XRCC6: variants seen among roughly 807,000 people sequenced by gnomAD.
XRCC6 encodes the protein X-ray repair cross complementing 6.
XRCC6 carries 5 observed loss-of-function variants against 65.7 expected under a neutral mutation model. That is an observed-to-expected ratio of 0.08 (90% CI 0.04 to 0.16). XRCC6 has a LOEUF of 0.16. XRCC6 is among the 10% of genes least tolerant of loss of function. The probability of loss-of-function intolerance (pLI) is 1.00; values close to 1 mark genes in which losing one functional copy is unlikely to be tolerated. For synonymous variants in XRCC6, 270 were observed against 270.6 expected (o/e 1.00, Z 0.02); for missense variants, 447 against 738.1 (o/e 0.61, Z 4.57).
At chr22:41,639,723 T>A (rs1000715652) in intron 6 of XRCC6, among the ~76,000 whole-genome samples, 13 of 135,316 alleles carry the variant, frequency 9.6e-5, no homozygotes, top group Non-Finnish European at 6.2e-5. Flanking sequence ...AGTGCAGTGG[T>A]GCGGTCTCAG....
intron 2 of XRCC6, among the ~76,000 whole-genome samples, chr22:41,626,783 G>A (rs1371008433): frequency 6.6e-6 from 1 of 151,978 alleles, no homozygotes; most frequent in African/African-American, 2.4e-5. Flanking sequence ...GACTGCAGGT[G>A]TCCACCACCA....
At chr22:41,626,724 C>G (rs1285109196) in intron 2 of XRCC6, among the ~76,000 whole-genome samples, 1 of 151,428 alleles carries the variant, frequency 6.6e-6, no homozygotes, top group African/African-American at 2.4e-5. Context: ...TGGAAGCTCC[C>G]CCTCCCGGGT....
At chr22:41,644,175 G>A (rs578156902) in intron 6 of XRCC6, among the ~76,000 whole-genome samples, 2 of 151,862 alleles carry the variant, frequency 1.3e-5, no homozygotes, top group African/African-American at 2.4e-5. Context: ...TGTTTTCCTC[G>A]TGATTTCTTC....
intron 8 of XRCC6, among the ~76,000 whole-genome samples, chr22:41,652,951 C>T (rs1461427339): frequency 2.6e-5 from 4 of 151,764 alleles, no homozygotes; most frequent in African/African-American, 9.7e-5. Context: ...GGATTACAGG[C>T]GTGAGCCACC....
At chr22:41,627,652 T>G (rs1448629547) in intron 2 of XRCC6, among the ~76,000 whole-genome samples, 2 of 150,522 alleles carry the variant, frequency 1.3e-5, no homozygotes, top group Non-Finnish European at 2.9e-5. Context: ...TGGGGAGGAT[T>G]GCCTGAGCTC....
chr22:41,628,833 G>A (rs901640731), intron 3 of XRCC6, among the ~76,000 whole-genome samples: 2 of 151,856 alleles, frequency 1.3e-5, no homozygotes, highest in South Asian at 2.1e-4. Context: ...AGGCATGGTG[G>A]TGCGCTTCTG....
intron 2 of XRCC6, among the ~76,000 whole-genome samples, chr22:41,627,806 C>T (rs369608039): frequency 1.3e-4 from 20 of 151,886 alleles, no homozygotes; most frequent in Middle Eastern, 6.8e-3. Context: ...CCCAGGAGTT[C>T]GAGGTTGCAG....
At chr22:41,646,252 G>T (rs766927063) in intron 6 of XRCC6, among the ~76,000 whole-genome samples, 1 of 151,668 alleles carries the variant, frequency 6.6e-6, no homozygotes, top group Non-Finnish European at 1.5e-5. Flanking sequence ...GCAGTGAGCC[G>T]AGATCACGCG....
In XRCC6 at chr22:41,622,085, T is replaced by C. The variant is rs1244796950; in HGVS notation, c.81T>C (p.Ser27=). 2 of 1,614,172 alleles carry C rather than the reference T, an allele frequency of 1.2e-6. No homozygotes were observed. The highest frequency in any genetic ancestry group is 2.2e-5 in the East Asian group (1 of 44,882). The stretch of plus-strand genomic sequence containing the variant: ...AACAAGAAGAGAACCTTGAAGCAAG[T>C]GGTAAGTGACTTCAGCATGTAGTGC... The part of the protein sequence containing the change: ...EEEQEENLEA[S]GDYKYSGRDS... The change falls in exon 2 of 13, where the codon AGT becomes AGC. Residue 27 remains serine, a splice_region_variant and synonymous_variant. Transcript: ENST00000360079.
At chr22:41,644,907 A>G (rs1453467691) in intron 6 of XRCC6, among the ~76,000 whole-genome samples, 1 of 152,152 alleles carries the variant, frequency 6.6e-6, no homozygotes, top group African/African-American at 2.4e-5. Context: ...TTGAGTTTGA[A>G]TATGGATTTT....
At chr22:41,645,161 TGTG>T (rs1231093241) in intron 6 of XRCC6, among the ~76,000 whole-genome samples, 3 of 151,254 alleles carry the variant, frequency 2.0e-5, no homozygotes, top group Non-Finnish European at 2.9e-5. Context: ...ATTAGCCTGG[TGTG>T]GTGGTGGGTG....
rs1228020367 is a variant in XRCC6, at chr22:41,637,224, C to G, written c.590-384C>G. On this transcript the variant is annotated intron_variant, in intron 5 of 12. Transcript: ENST00000360079. Reference sequence around the variant, plus strand: ...TCAGCCTCCCAAATAGCTGGAATTACAGGCATGAACCACTGTGCCTAGCTA... The same window carrying G: ...TCAGCCTCCCAAATAGCTGGAATTAGAGGCATGAACCACTGTGCCTAGCTA... 2.6e-5 allele frequency among the ~76,000 whole-genome samples: 4 copies of G among 152,020 alleles called. No homozygotes were observed. In the East Asian group the frequency reaches 7.7e-4, roughly 29 times the overall value.
At chr22:41,653,754 C>T in intron 9 of XRCC6, 64 bp downstream of exon 9, 1 of 1,547,008 alleles carries the variant, frequency 6.5e-7, no homozygotes, top group Non-Finnish European at 8.8e-7. Context: ...CATCCATGGA[C>T]TCCTAATGCA....
At chr22:41,631,429 G>C (rs2067748620) in intron 3 of XRCC6, among the ~76,000 whole-genome samples, 1 of 150,384 alleles carries the variant, frequency 6.6e-6, no homozygotes, top group African/African-American at 2.5e-5. Context: ...TTGCCGGGTG[G>C]AGGGTCTCCT....
intron 9 of XRCC6, among the ~76,000 whole-genome samples, chr22:41,655,762 C>G (rs551390775): frequency 6.6e-5 from 10 of 151,158 alleles, no homozygotes; most frequent in Middle Eastern, 3.4e-3. Context: ...CAAGGTCTCA[C>G]TATGTTGCCC....
At chr22:41,630,974 T>G (rs2067737334) in intron 3 of XRCC6, among the ~76,000 whole-genome samples, 2 of 152,230 alleles carry the variant, frequency 1.3e-5, no homozygotes, top group Non-Finnish European at 2.9e-5. Flanking sequence ...AATGAGCTGT[T>G]GGGCACACCT....
intron 5 of XRCC6, 71 bp from the exon 6 acceptor site, chr22:41,637,537 T>C: frequency 7.5e-7 from 1 of 1,340,702 alleles, no homozygotes; most frequent in Non-Finnish European, 1.0e-6. Context: ...TGTTTCAGTT[T>C]TAACTGAAAG....
intron 6 of XRCC6, among the ~76,000 whole-genome samples, chr22:41,645,303 AAAAAAAAAACAAAAAAC>A (rs1353197234): frequency 1.3e-4 from 20 of 151,648 alleles, no homozygotes; most frequent in African/African-American, 4.1e-4. Flanking sequence ...CCATCTTTAA[AAAAAAAAAACAAAAAAC>A]AAAAAAAAAC....
Position 41,636,623 on chromosome 22 carries a change from T to C in XRCC6, c.442T>C (p.Trp148Arg), listed in dbSNP as rs1369088289. The change falls in exon 5 of 13, where the codon TGG becomes CGG. Residue 148 changes from tryptophan to arginine, a missense_variant. Trp to Arg is a moderately radical substitution (Grantham distance 101). This residue lies in a region of XRCC6 where 228 missense variants were observed against 307.4 expected (regional missense o/e 0.74). Coordinates refer to ENST00000360079, the MANE Select transcript of XRCC6 (RefSeq NM_001469.5). ...GSDYSLSEVL[W>R]VCANLFSDVQ... ...TGACTACTCACTCAGTGAAGTGCTG[T>C]GGGTCTGTGCCAACCTCTTTAGTGA... is the stretch of plus-strand genomic sequence containing the variant. 1 of 1,614,094 alleles carries C rather than the reference T, an allele frequency of 6.2e-7. No homozygotes were observed. The highest frequency in any genetic ancestry group is 2.2e-5 in the East Asian group (1 of 44,886).
Sources: gnomAD v4.1 joint callset for allele counts (sites outside exome capture counted in the v4.1 genomes callset) on GRCh38, gnomAD v4.1.1 for gene constraint, gnomAD v4.1.1 regional missense constraint, MANE v1.5 for transcripts, NCBI Gene and HGNC (gene_info 2026-07-23, HGNC 2026-07-21) for gene names.